Variants in LAMA2 observed in about 807,000 individuals in gnomAD.
LAMA2 encodes the protein laminin subunit alpha 2.
A neutral mutation model predicts 364.8 loss-of-function variants in LAMA2; 269 were observed. The ratio of observed to expected loss-of-function variants is 0.74; its 90% confidence interval spans 0.67 to 0.82. The LOEUF (loss-of-function observed/expected upper bound fraction) is 0.82. Ranked by LOEUF, LAMA2 falls within the 40% of genes least tolerant of loss-of-function variation. The pLI, the probability that LAMA2 is intolerant of heterozygous loss-of-function variation, is 0.00. For synonymous variants in LAMA2, 1,379 were observed against 1,370.6 expected, an observed-to-expected ratio of 1.01 and a Z score of -0.14; for missense variants, 3,807 against 3,873.2, an observed-to-expected ratio of 0.98 and a Z score of 0.45.
chr6:128,988,268 AC>A (rs1463251913), intron 1 of LAMA2, among the ~76,000 whole-genome samples: 5 of 152,172 alleles, frequency 3.3e-5, no homozygotes, highest in Admixed American at 3.3e-4. Flanking sequence ...TCTCTTATGG[AC>A]TGGTAATTTT....
intron 49 of LAMA2, among the ~76,000 whole-genome samples, chr6:129,461,090 G>C (rs1158446356): frequency 6.6e-6 from 1 of 151,912 alleles, no homozygotes; most frequent in Admixed American, 6.6e-5. Flanking sequence ...AAAAATCTTA[G>C]AGCCCACTTA....
chr6:129,222,881 T>C (rs760336668), intron 12 of LAMA2, among the ~76,000 whole-genome samples: 129 of 152,324 alleles, frequency 8.5e-4, no homozygotes, highest in Non-Finnish European at 1.5e-3. Context: ...CTGGGTCAAA[T>C]GGTATTTCTA....
chr6:129,233,616 G>T (rs1165778415), intron 12 of LAMA2, among the ~76,000 whole-genome samples: 1 of 152,092 alleles, frequency 6.6e-6, no homozygotes, highest in Admixed American at 6.6e-5. Context: ...CTAAGGAGGA[G>T]GAAGAAGAGG....
chr6:128,932,497 CAG>C (rs1779542812), intron 1 of LAMA2, among the ~76,000 whole-genome samples: 1 of 152,008 alleles, frequency 6.6e-6, no homozygotes, highest in Non-Finnish European at 1.5e-5. Flanking sequence ...AGAAGCGTAA[CAG>C]AGCAAATGAT....
chr6:129,316,094 A>G lies in LAMA2; in HGVS notation c.3981A>G (p.Glu1327=), dbSNP rs762279924. Residue 1327 remains glutamate (E), a synonymous_variant, in exon 27 of 65, where the codon GAA becomes GAG. Coordinates refer to ENST00000421865, the MANE Select transcript of LAMA2 (RefSeq NM_000426.4). ...GAGTCCATAGAACTGTGACCCGAGA[A>G]GACTTCTTGGATATACTATATGATA... is the stretch of plus-strand genomic sequence containing the variant. ...DPRVHRTVTR[E]DFLDILYDIH... 2 of 1,612,006 alleles carry G rather than the reference A, an allele frequency of 1.2e-6. No homozygotes were observed. The highest frequency in any genetic ancestry group is 1.7e-6 in the Non-Finnish European group (2 of 1,178,068).
chr6:129,502,887 T>C, intron 59 of LAMA2, 116 bp downstream of exon 59: 1 of 883,594 alleles, frequency 1.1e-6, no homozygotes. Context: ...TTTTCTTTTA[T>C]TCACTGAGTA....
chr6:128,967,546 G>A (rs983524654), intron 1 of LAMA2, among the ~76,000 whole-genome samples: 4 of 152,146 alleles, frequency 2.6e-5, no homozygotes, highest in African/African-American at 9.7e-5. Flanking sequence ...CTAAGGGGGT[G>A]ACTAAAATCT....
intron 17 of LAMA2, among the ~76,000 whole-genome samples, chr6:129,274,340 C>G (rs1017724613): frequency 6.6e-6 from 1 of 151,380 alleles, no homozygotes; most frequent in Non-Finnish European, 1.5e-5. Context: ...ATAATGTGAG[C>G]TAGAAACTCT....
chr6:129,476,657 A>G (rs1283204351), intron 53 of LAMA2, among the ~76,000 whole-genome samples: 1 of 152,178 alleles, frequency 6.6e-6, no homozygotes, highest in Non-Finnish European at 1.5e-5. Context: ...AGACCTCTGA[A>G]AAAAATGGTG....
At chr6:128,978,909 A>G (rs563764236) in intron 1 of LAMA2, among the ~76,000 whole-genome samples, 3 of 152,324 alleles carry the variant, frequency 2.0e-5, no homozygotes, top group African/African-American at 4.8e-5. Flanking sequence ...CTGCTGTATT[A>G]TGGAGAGAAC....
chr6:129,248,854 T>G (rs1785960886), intron 12 of LAMA2, among the ~76,000 whole-genome samples: 1 of 152,202 alleles, frequency 6.6e-6, no homozygotes, highest in Non-Finnish European at 1.5e-5. Context: ...TCCACATAGG[T>G]TCACCCCTCA....
chr6:129,297,630 T>C, intron 20 of LAMA2, 55 bp from the exon 21 acceptor site: 1 of 1,542,480 alleles, frequency 6.5e-7, no homozygotes, highest in South Asian at 1.1e-5. Context: ...TGCATCTTGC[T>C]TCACTTCGAG....
intron 1 of LAMA2, among the ~76,000 whole-genome samples, chr6:129,004,939 C>T (rs904171755): frequency 1.3e-5 from 2 of 151,908 alleles, no homozygotes; most frequent in East Asian, 3.9e-4. Flanking sequence ...TTATGCAATC[C>T]GAATTTTCAA....
intron 17 of LAMA2, among the ~76,000 whole-genome samples, chr6:129,271,464 CTTTT>C (rs11287525): frequency 1.2e-5 from 1 of 80,238 alleles, no homozygotes; most frequent in African/African-American, 3.9e-5. Context: ...AATTGGGATA[CTTTT>C]TTTTTTTTTT....
At chr6:129,270,261 A>G (rs950703451) in intron 16 of LAMA2, among the ~76,000 whole-genome samples, 3 of 134,756 alleles carry the variant, frequency 2.2e-5, no homozygotes, top group African/African-American at 9.1e-5. Flanking sequence ...TTAGTGCTCT[A>G]TGACTACACA....
chr6:128,910,663 C>T (rs1036929951), intron 1 of LAMA2, among the ~76,000 whole-genome samples: 14 of 152,192 alleles, frequency 9.2e-5, no homozygotes, highest in South Asian at 6.2e-4. Flanking sequence ...CGTCTAGCTT[C>T]GTTCTGTTGT....
intron 9 of LAMA2, among the ~76,000 whole-genome samples, chr6:129,166,188 A>G (rs1338175885): frequency 6.6e-6 from 1 of 152,202 alleles, no homozygotes; most frequent in Admixed American, 6.5e-5. Flanking sequence ...GAACAGAAAG[A>G]GGCTGACACT....
rs762743459 is a variant in LAMA2 at position 129,250,219 on chromosome 6, G to A, written c.1884+6G>A. 6 of 1,494,624 alleles carry A rather than the reference G, an allele frequency of 4.0e-6. No individual in the cohort carries two copies. Among genetic ancestry groups the A allele is most frequent in the Non-Finnish European group, 5.6e-6 (6 of 1,073,114 alleles). 92.6% of individuals were successfully genotyped at this position (1,494,624 alleles called of 1,614,324 possible). A position where few individuals can be genotyped will look rare whatever the true frequency, so the allele number is the denominator to read the frequency against. ...AGCTTATGATTATCTTAGAGGTAGA[G>A]TACTGAGAGCATGTTCACCCGTGTT... On this transcript the variant is annotated splice_donor_region_variant and intron_variant, in intron 13 of 64. Coordinates refer to ENST00000421865, the MANE Select transcript of LAMA2 (RefSeq NM_000426.4).
chr6:129,343,734 G>A (rs1776393950), intron 30 of LAMA2, among the ~76,000 whole-genome samples: 1 of 152,106 alleles, frequency 6.6e-6, no homozygotes, highest in Non-Finnish European at 1.5e-5. Context: ...GGAGCTCACT[G>A]TAAAACCTGT....
Sources: gnomAD v4.1 joint callset for allele counts (sites outside exome capture counted in the v4.1 genomes callset) on GRCh38, gnomAD v4.1.1 for gene constraint, MANE v1.5 for transcripts, NCBI Gene and HGNC (gene_info 2026-07-23, HGNC 2026-07-21) for gene names.